CCSER1: variants seen among roughly 807,000 people sequenced by gnomAD.
CCSER1 encodes serine-rich coiled-coil domain-containing protein 1.
A neutral mutation model predicts 82.0 loss-of-function variants in CCSER1; 41 were observed. The observed-to-expected ratio is 0.50, with a 90% CI of 0.39 to 0.65. CCSER1 has a LOEUF of 0.65. Ranked by LOEUF, CCSER1 falls within the 30% of genes least tolerant of loss-of-function variation. The pLI, the probability that CCSER1 is intolerant of heterozygous loss-of-function variation, is 0.00. For synonymous variants in CCSER1, 414 were observed against 383.9 expected, an observed-to-expected ratio of 1.08 and a Z score of -0.92; for missense variants, 1,119 against 1,064.2, an observed-to-expected ratio of 1.05 and a Z score of -0.72.
At chr4:91,355,850 G>A (rs1386076752) in intron 10 of CCSER1, among the ~76,000 whole-genome samples, 2 of 152,164 alleles carry the variant, frequency 1.3e-5, no homozygotes, top group Non-Finnish European at 2.9e-5. Context: ...AATAAACAGA[G>A]TCTAACACCT....
chr4:90,806,266 A>C (rs1757493195), intron 7 of CCSER1, among the ~76,000 whole-genome samples: 1 of 152,212 alleles, frequency 6.6e-6, no homozygotes, highest in Admixed American at 6.5e-5. Flanking sequence ...TATTCCATAA[A>C]TGAATGTAAA....
intron 7 of CCSER1, among the ~76,000 whole-genome samples, chr4:90,788,046 TTAAA>T (rs1754751648): frequency 6.6e-6 from 1 of 152,132 alleles, no homozygotes; most frequent in Admixed American, 6.6e-5. Flanking sequence ...TTTTTATAAC[TTAAA>T]TAAAAAACCT....
chr4:90,345,544 A>T (rs1742169014), intron 3 of CCSER1, among the ~76,000 whole-genome samples: 1 of 152,126 alleles, frequency 6.6e-6, no homozygotes. Context: ...GAAAATATGC[A>T]GTATGAAAAC....
At chr4:90,305,206 G>A (rs777990257) in intron 1 of CCSER1, among the ~76,000 whole-genome samples, 3 of 152,138 alleles carry the variant, frequency 2.0e-5, no homozygotes, top group South Asian at 2.1e-4. Flanking sequence ...GTGAGCCACC[G>A]CGCCCGGCCT....
At chr4:90,790,532 T>A (rs1170472117) in intron 7 of CCSER1, among the ~76,000 whole-genome samples, 1 of 130,662 alleles carries the variant, frequency 7.7e-6, no homozygotes, top group East Asian at 2.2e-4. Context: ...CTTCTGACCA[T>A]TGGGATTCTG....
intron 5 of CCSER1, among the ~76,000 whole-genome samples, chr4:90,469,419 A>T (rs976405767): frequency 1.3e-5 from 2 of 151,978 alleles, no homozygotes; most frequent in Admixed American, 6.6e-5. Flanking sequence ...TGCTCTTCAT[A>T]TAGTCTTAAT....
At chr4:90,722,146 C>T (rs546364959) in intron 6 of CCSER1, among the ~76,000 whole-genome samples, 1 of 151,858 alleles carries the variant, frequency 6.6e-6, no homozygotes, top group South Asian at 2.1e-4. Flanking sequence ...ATTAAACCTT[C>T]ATTGGAAAGA....
At chr4:91,109,248 G>T (rs1222476567) in intron 10 of CCSER1, among the ~76,000 whole-genome samples, 3 of 152,072 alleles carry the variant, frequency 2.0e-5, no homozygotes, top group Admixed American at 2.0e-4. Context: ...TCTCAAGCTC[G>T]ATGATTTCTT....
chr4:91,162,147 T>C (rs140186278), intron 10 of CCSER1, among the ~76,000 whole-genome samples: 5,931 of 152,288 alleles, frequency 0.039, 143 homozygotes, highest in Middle Eastern at 0.085. Context: ...TGAAGCACTG[T>C]TGAATTTTGT....
In CCSER1 at chr4:91,036,204, C is replaced by A. The variant is rs111387053; in HGVS notation, c.2173-49746C>A. 2.5e-3 allele frequency among the ~76,000 whole-genome samples: 385 copies of A among 152,250 alleles called. 1 individual carries two copies. Among genetic ancestry groups the A allele is most frequent in the Non-Finnish European group, 4.8e-3 (327 of 68,012 alleles). On this transcript the variant is annotated intron_variant, in intron 9 of 10. Coordinates refer to ENST00000509176, the MANE Select transcript of CCSER1 (RefSeq NM_001145065.2). The stretch of plus-strand genomic sequence containing the variant: ...AAGATCCAACTGCATAAGATACCAA[C>A]CTTCCCTCATTGAAAAACATTGTTC...
Position 90,191,334 on chromosome 4 carries a change from A to G in CCSER1, c.-42+63503A>G, listed in dbSNP as rs1286389095. The stretch of plus-strand genomic sequence containing the variant: ...ATAAAACCTGGTGTGAAGCACATGT[A>G]CTAGTTTATACGGAGAATGAGATAG... On this transcript the variant is annotated intron_variant, in intron 1 of 10. Transcript: ENST00000509176. Among the ~76,000 whole-genome samples the G allele has an allele frequency of 5.3e-5, 8 of 152,086 alleles. No homozygotes were observed. In the East Asian group the frequency reaches 1.6e-3, roughly 29 times the overall value.
chr4:91,543,469 C>T (rs1761715993), intron 10 of CCSER1, among the ~76,000 whole-genome samples: 1 of 152,142 alleles, frequency 6.6e-6, no homozygotes, highest in Non-Finnish European at 1.5e-5. Context: ...TTAGTGCTTC[C>T]TTCAGGAGCT....
intron 1 of CCSER1, among the ~76,000 whole-genome samples, chr4:90,144,626 A>G (rs548106950): frequency 6.6e-6 from 1 of 152,336 alleles, no homozygotes; most frequent in East Asian, 1.9e-4. Context: ...CATTTCAGTC[A>G]TTAATAACAA....
At position 90,147,250 on chromosome 4, in the gene CCSER1, C is replaced by T. The variant is rs532272701; in HGVS notation, c.-42+19419C>T. Among the ~76,000 whole-genome samples the T allele has an allele frequency of 3.4e-5, 5 of 147,102 alleles. No homozygotes were observed. The South Asian group carries it at 1.1e-3, about 33-fold the overall frequency. ...AAATTTAATGATCTAATTTTATTCT[C>T]ACAACAACCCTATGAGATAGGTTTT... On this transcript the variant is annotated intron_variant, in intron 1 of 10. Transcript: ENST00000509176.
chr4:91,141,249 G>A (rs1231592337), intron 10 of CCSER1, among the ~76,000 whole-genome samples: 1 of 151,590 alleles, frequency 6.6e-6, no homozygotes. Flanking sequence ...TACCTCTTGA[G>A]TTCAAGTGAT....
chr4:91,336,671 TAATA>T (rs1377392746), intron 10 of CCSER1, among the ~76,000 whole-genome samples: 1 of 152,122 alleles, frequency 6.6e-6, no homozygotes, highest in Non-Finnish European at 1.5e-5. Flanking sequence ...AGTAATTGGA[TAATA>T]AATATGTATT....
chr4:90,270,029 G>A (rs79264433), intron 1 of CCSER1, among the ~76,000 whole-genome samples: 7,375 of 151,942 alleles, frequency 0.049, 477 homozygotes, highest in African/African-American at 0.15. Context: ...AAGCTCTAAT[G>A]AAAGGGATCC....
intron 10 of CCSER1, among the ~76,000 whole-genome samples, chr4:91,157,658 C>A (rs962121142): frequency 6.6e-6 from 1 of 151,924 alleles, no homozygotes; most frequent in East Asian, 1.9e-4. Context: ...ACTTAGAGTA[C>A]CTGTTCCTAC....
intron 8 of CCSER1, among the ~76,000 whole-genome samples, chr4:90,852,762 T>C (rs997962962): frequency 1.3e-5 from 2 of 152,190 alleles, no homozygotes; most frequent in African/African-American, 4.8e-5. Flanking sequence ...CACAAAATCC[T>C]TGTTACAAGC....
Sources: allele counts gnomAD v4.1 joint callset (sites outside exome capture counted in the v4.1 genomes callset), GRCh38; gene constraint gnomAD v4.1.1; transcripts MANE v1.5; gene names NCBI Gene and HGNC (gene_info 2026-07-23, HGNC 2026-07-21).